GCH1: variants seen among roughly 807,000 people sequenced by gnomAD.
GCH1 encodes GTP cyclohydrolase I.
A neutral mutation model predicts 25.9 loss-of-function variants in GCH1; 5 were observed. The observed-to-expected ratio is 0.19, with a 90% CI of 0.10 to 0.41. The LOEUF is 0.41. Among genes scored for constraint, GCH1 ranks in the 10% least tolerant of loss-of-function variants. The pLI, the probability that GCH1 is intolerant of heterozygous loss-of-function variation, is 1.00. For missense variants in GCH1, 261 were observed against 336.5 expected (o/e 0.78, Z 1.75); for synonymous variants, 159 against 129.6 (o/e 1.23, Z -1.54).
At chr14:54,861,492 T>A (rs1424305965) in intron 2 of GCH1, among the ~76,000 whole-genome samples, 1 of 151,746 alleles carries the variant, frequency 6.6e-6, no homozygotes, top group Non-Finnish European at 1.5e-5. Context: ...TTCCAACATT[T>A]TGGGTGGATT....
intron 1 of GCH1, among the ~76,000 whole-genome samples, chr14:54,871,827 C>A (rs1434755049): frequency 6.6e-6 from 1 of 152,172 alleles, no homozygotes; most frequent in African/African-American, 2.4e-5. Context: ...AACAAAGCCT[C>A]CAAGAAATAT....
chr14:54,850,572 T>C (rs1400819317), intron 3 of GCH1, among the ~76,000 whole-genome samples: 2 of 152,150 alleles, frequency 1.3e-5, no homozygotes, highest in African/African-American at 4.8e-5. Context: ...AAGTGCCACG[T>C]TGGTGTGCTG....
intron 3 of GCH1, among the ~76,000 whole-genome samples, chr14:54,848,490 C>A (rs1487828567): frequency 6.6e-6 from 1 of 152,154 alleles, no homozygotes; most frequent in Non-Finnish European, 1.5e-5. Context: ...AAGATGACCA[C>A]GTGACTTATC....
chr14:54,882,682 C>A (rs1248897627), intron 1 of GCH1, among the ~76,000 whole-genome samples: 1 of 151,912 alleles, frequency 6.6e-6, no homozygotes, highest in African/African-American at 2.4e-5. Context: ...AAAAAAAACA[C>A]ACCAATCTGA....
chr14:54,872,760 C>T (rs1269572940), intron 1 of GCH1, among the ~76,000 whole-genome samples: 4 of 151,580 alleles, frequency 2.6e-5, no homozygotes, highest in African/African-American at 9.8e-5. Context: ...AAGGCCATTA[C>T]ATAATGGTAA....
intron 3 of GCH1, among the ~76,000 whole-genome samples, chr14:54,850,066 C>T (rs530268584): frequency 6.6e-6 from 1 of 152,172 alleles, no homozygotes; most frequent in South Asian, 2.1e-4. Context: ...CCTCCACCTC[C>T]CGCATTCAAG....
At chr14:54,868,855 CT>C (rs1255192492) in intron 1 of GCH1, among the ~76,000 whole-genome samples, 1 of 152,058 alleles carries the variant, frequency 6.6e-6, no homozygotes, top group Non-Finnish European at 1.5e-5. Flanking sequence ...CCGCCTCAGC[CT>C]CCCAAAGTGC....
intron 1 of GCH1, among the ~76,000 whole-genome samples, chr14:54,892,144 A>T (rs1056182475): frequency 6.6e-6 from 1 of 152,242 alleles, no homozygotes; most frequent in African/African-American, 2.4e-5. Flanking sequence ...AGACTGCAAA[A>T]GCTATGGCCA....
At chr14:54,874,598 T>C (rs1410047742) in intron 1 of GCH1, among the ~76,000 whole-genome samples, 1 of 152,166 alleles carries the variant, frequency 6.6e-6, no homozygotes, top group Non-Finnish European at 1.5e-5. Flanking sequence ...AAAACCCCAT[T>C]GTCTCAGCTC....
At chr14:54,866,077 T>C (rs1032062193) in intron 1 of GCH1, among the ~76,000 whole-genome samples, 1 of 151,730 alleles carries the variant, frequency 6.6e-6, no homozygotes, top group Non-Finnish European at 1.5e-5. Flanking sequence ...GTTTAAGCTG[T>C]GGACCCTGGC....
At chr14:54,894,968 A>C (rs2040466379) in intron 1 of GCH1, among the ~76,000 whole-genome samples, 1 of 152,180 alleles carries the variant, frequency 6.6e-6, no homozygotes. Flanking sequence ...CACCCATGAT[A>C]TAGGAGAGAA....
At position 54,855,671 on chromosome 14, in the gene GCH1, A is replaced by G. The variant is rs902975770; in HGVS notation, c.509+4010T>C. On this transcript the variant is annotated intron_variant, in intron 3 of 5. Coordinates refer to ENST00000491895, the MANE Select transcript of GCH1 (RefSeq NM_000161.3). ...TTTACTGAAAATACAAAAATTAGCC[A>G]GGCATGGTGGTGCACATCAGTAATC... Among the ~76,000 whole-genome samples the G allele has an allele frequency of 4.5e-4, 69 of 151,842 alleles. 1 individual carries two copies. The highest frequency in any genetic ancestry group is 1.6e-3 in the African/African-American group (67 of 41,374).
At chr14:54,900,166 A>G (rs1255810021) in intron 1 of GCH1, among the ~76,000 whole-genome samples, 4 of 145,226 alleles carry the variant, frequency 2.8e-5, no homozygotes, top group African/African-American at 1.0e-4. Flanking sequence ...CGCCCGGCCC[A>G]TGGACTTTTT....
At chr14:54,872,605 C>T (rs2040097617) in intron 1 of GCH1, among the ~76,000 whole-genome samples, 1 of 152,290 alleles carries the variant, frequency 6.6e-6, no homozygotes, top group South Asian at 2.1e-4. Context: ...GGAAACCCAT[C>T]TCACGTGCAG....
chr14:54,861,216 T>G (rs1408493646), intron 2 of GCH1, among the ~76,000 whole-genome samples: 1 of 152,154 alleles, frequency 6.6e-6, no homozygotes, highest in Non-Finnish European at 1.5e-5. Context: ...TTTAGGAATT[T>G]GAGAAGTCCA....
intron 1 of GCH1, 34 bp downstream of exon 1, chr14:54,902,287 C>A: frequency 6.2e-7 from 1 of 1,605,980 alleles, no homozygotes; most frequent in South Asian, 1.1e-5. Context: ...GCCCCCGCCG[C>A]CCGCACGCTC....
chr14:54,888,775 A>G (rs762876615), intron 1 of GCH1, among the ~76,000 whole-genome samples: 10 of 150,824 alleles, frequency 6.6e-5, no homozygotes, highest in South Asian at 4.2e-4. Context: ...TGCCCACCTC[A>G]GCCTCCCAAA....
At chr14:54,889,577 G>A (rs966165128) in intron 1 of GCH1, among the ~76,000 whole-genome samples, 39 of 152,226 alleles carry the variant, frequency 2.6e-4, no homozygotes, top group Admixed American at 1.2e-3. Flanking sequence ...ATTCAGTCAC[G>A]GCCAATTTCC....
At chr14:54,896,545 C>T (rs113684295) in intron 1 of GCH1, among the ~76,000 whole-genome samples, 7 of 152,014 alleles carry the variant, frequency 4.6e-5, no homozygotes, top group Non-Finnish European at 1.0e-4. Flanking sequence ...CTTTTGACTA[C>T]AACCTACAGT....
Sources: gnomAD v4.1 joint callset for allele counts (sites outside exome capture counted in the v4.1 genomes callset) on GRCh38, gnomAD v4.1.1 for gene constraint, MANE v1.5 for transcripts, NCBI Gene and HGNC (gene_info 2026-07-23, HGNC 2026-07-21) for gene names.